Variants in SLC7A1 observed in about 807,000 individuals in gnomAD.
SLC7A1 encodes high affinity cationic amino acid transporter 1.
A neutral mutation model predicts 53.9 loss-of-function variants in SLC7A1; 10 were observed. The observed-to-expected ratio is 0.19, with a 90% CI of 0.11 to 0.31. The LOEUF (loss-of-function observed/expected upper bound fraction) is 0.31, where lower values mean the gene tolerates loss of function less well. Ranked by LOEUF, SLC7A1 falls within the 10% of genes least tolerant of loss-of-function variation. The pLI is 1.00. For missense variants in SLC7A1, 525 were observed against 827.2 expected (o/e 0.63, Z 4.48); for synonymous variants, 342 against 338.7 (o/e 1.01, Z -0.11).
At chr13:29,538,593 G>A (rs1271490764) in intron 2 of SLC7A1, among the ~76,000 whole-genome samples, 1 of 152,194 alleles carries the variant, frequency 6.6e-6, no homozygotes, top group African/African-American at 2.4e-5. Flanking sequence ...TAGTGCTGCT[G>A]GGACCCCAGG....
intron 1 of SLC7A1, among the ~76,000 whole-genome samples, chr13:29,568,414 C>T (rs946990745): frequency 2.6e-5 from 4 of 152,244 alleles, no homozygotes; most frequent in African/African-American, 7.2e-5. Context: ...ATCCACCACT[C>T]AGCCTGCGAG....
intron 1 of SLC7A1, among the ~76,000 whole-genome samples, chr13:29,594,178 T>A (rs915514119): frequency 6.6e-6 from 1 of 152,254 alleles, no homozygotes; most frequent in African/African-American, 2.4e-5. Flanking sequence ...AAATCCCAGA[T>A]AAATTATAAT....
In SLC7A1 at chr13:29,552,909, G is replaced by A. The variant is rs116516250; in HGVS notation, c.-15+852C>T. Among the ~76,000 whole-genome samples, 1,502 of 151,990 alleles carry A rather than the reference G, an allele frequency of 9.9e-3. 17 individuals carry two copies. Among genetic ancestry groups the A allele is most frequent in the African/African-American group, 0.034 (1,395 of 41,314 alleles). On this transcript the variant is annotated intron_variant, in intron 2 of 12. Transcript: ENST00000380752. ...TAGGGTCTCCGACCAAGCTGGTCTC[G>A]GCACCCAAACTACATGCTATGCCAA...
chr13:29,522,827 A>G (rs534386524), intron 7 of SLC7A1, among the ~76,000 whole-genome samples: 1 of 152,382 alleles, frequency 6.6e-6, no homozygotes, highest in Non-Finnish European at 1.5e-5. Flanking sequence ...TGGTAAATCA[A>G]TATTTACCAA....
rs1883487603 is a variant in SLC7A1, at chr13:29,514,290, AG to A, written c.*189del. 6 of 589,378 alleles carry A rather than the reference AG, an allele frequency of 1.0e-5. No homozygotes were observed. The Admixed American group carries it at 1.7e-4, about 17-fold the overall frequency. 36.5% of individuals were successfully genotyped at this position (589,378 alleles called of 1,614,324 possible). On this transcript the variant is annotated 3_prime_UTR_variant, in exon 13 of 13. Transcript: ENST00000380752. ...GCCAGGCAGCTGTCTGGAGGTGACC[AG>A]GGCCCGGAGAACCGGCTGCAGAGCC...
chr13:29,551,488 AC>A (rs1291305301), intron 2 of SLC7A1, among the ~76,000 whole-genome samples: 1 of 152,060 alleles, frequency 6.6e-6, no homozygotes, highest in Non-Finnish European at 1.5e-5. Flanking sequence ...AGGGTTCAAG[AC>A]TTGTGCCCCA....
intron 1 of SLC7A1, among the ~76,000 whole-genome samples, chr13:29,572,145 G>A (rs1871222386): frequency 6.6e-6 from 1 of 152,230 alleles, no homozygotes; most frequent in African/African-American, 2.4e-5. Flanking sequence ...CAGGTGGTGA[G>A]GGTGCAGCGG....
chr13:29,514,859 G>A (rs1430019452), intron 12 of SLC7A1, among the ~76,000 whole-genome samples: 1 of 152,234 alleles, frequency 6.6e-6, no homozygotes, highest in Non-Finnish European at 1.5e-5. Flanking sequence ...CTGGGCCAGG[G>A]CCACCAGAGG....
chr13:29,550,834 G>C (rs1436967377), intron 2 of SLC7A1, among the ~76,000 whole-genome samples: 1 of 152,220 alleles, frequency 6.6e-6, no homozygotes, highest in Non-Finnish European at 1.5e-5. Context: ...TTAAGCCAGA[G>C]AAACAGATGA....
chr13:29,573,177 G>A (rs1871271428), intron 1 of SLC7A1, among the ~76,000 whole-genome samples: 1 of 152,140 alleles, frequency 6.6e-6, no homozygotes, highest in Non-Finnish European at 1.5e-5. Flanking sequence ...ACATATATCT[G>A]ATAAAATATT....
intron 1 of SLC7A1, among the ~76,000 whole-genome samples, chr13:29,571,513 A>G (rs1029616598): frequency 6.9e-6 from 1 of 144,988 alleles, no homozygotes; most frequent in Non-Finnish European, 1.6e-5. Context: ...ATCGCAATGA[A>G]GTGACCATCA....
intron 5 of SLC7A1, among the ~76,000 whole-genome samples, chr13:29,528,458 A>G (rs1869001223): frequency 6.6e-6 from 1 of 152,178 alleles, no homozygotes; most frequent in South Asian, 2.1e-4. Flanking sequence ...GCTAGGAGAC[A>G]GCATCCTAAA....
At chr13:29,514,778 C>T (rs895037022) in intron 12 of SLC7A1, among the ~76,000 whole-genome samples, 195 bp from the exon 13 acceptor site, 9 of 152,228 alleles carry the variant, frequency 5.9e-5, no homozygotes, top group Admixed American at 2.0e-4. Flanking sequence ...CTGTCTGCTT[C>T]GACATCTGGC....
intron 10 of SLC7A1, 117 bp from the exon 11 acceptor site, chr13:29,517,427 C>G: frequency 8.0e-7 from 1 of 1,254,112 alleles, no homozygotes; most frequent in Non-Finnish European, 1.1e-6. Flanking sequence ...GAAGGCACAA[C>G]TACAGTTAAC....
chr13:29,546,961 G>A (rs1032587370), intron 2 of SLC7A1, among the ~76,000 whole-genome samples: 6 of 152,180 alleles, frequency 3.9e-5, no homozygotes, highest in East Asian at 1.9e-4. Flanking sequence ...GAATAAGAGC[G>A]CGGAGTGTAG....
At chr13:29,529,046 G>A (rs996913503) in intron 5 of SLC7A1, among the ~76,000 whole-genome samples, 1 of 152,082 alleles carries the variant, frequency 6.6e-6, no homozygotes, top group African/African-American at 2.4e-5. Flanking sequence ...AAGGCTACAC[G>A]TTACTTCAAC....
chr13:29,514,623 G>A (rs1234168510), intron 12 of SLC7A1, 40 bp from the exon 13 acceptor site: 16 of 1,478,680 alleles, frequency 1.1e-5, no homozygotes, highest in Admixed American at 3.6e-5. Context: ...ACAGACCGCC[G>A]GTTGCACCAC....
In SLC7A1 at chr13:29,562,477, T is replaced by C. The variant is rs553069; in HGVS notation, c.-114-8617A>G. Among the ~76,000 whole-genome samples, 535 of 152,318 alleles carry C rather than the reference T, an allele frequency of 3.5e-3. 4 individuals carry two copies. Among genetic ancestry groups the C allele is most frequent in the African/African-American group, 0.012 (502 of 41,554 alleles). On this transcript the variant is annotated intron_variant, in intron 1 of 12. Coordinates refer to ENST00000380752, the MANE Select transcript of SLC7A1 (RefSeq NM_003045.5). The stretch of plus-strand genomic sequence containing the variant: ...CTGGAGCATTTTCAGTTTCAGACTT[T>C]TTTGGATTAGGAATGTCCAACTGGT...
chr13:29,538,092 C>G (rs555828476), intron 2 of SLC7A1, among the ~76,000 whole-genome samples: 47 of 152,254 alleles, frequency 3.1e-4, no homozygotes, highest in Non-Finnish European at 6.3e-4. Context: ...AATCTCAAGA[C>G]TCATAAAATT....
Sources: allele counts gnomAD v4.1 joint callset (sites outside exome capture counted in the v4.1 genomes callset), GRCh38; gene constraint gnomAD v4.1.1; transcripts MANE v1.5; gene names NCBI Gene and HGNC (gene_info 2026-07-23, HGNC 2026-07-21).